Variants in FHIT observed in about 807,000 individuals in gnomAD.
FHIT encodes the protein fragile histidine triad diadenosine triphosphatase.
In FHIT, 19 loss-of-function variants were observed where a neutral mutation model predicts 17.9. The observed-to-expected ratio is 1.06, with a 90% CI of 0.74 to 1.56. The LOEUF is 1.56. Ranked by LOEUF, FHIT falls within the 40% of genes most tolerant of loss-of-function variation. The pLI is 0.00. For synonymous variants in FHIT, 81 were observed against 69.7 expected (o/e 1.16, Z -0.81); for missense variants, 248 against 189.2 (o/e 1.31, Z -1.82).
chr3:60,968,703 C>T (rs1339825588), intron 3 of FHIT, among the ~76,000 whole-genome samples: 1 of 152,106 alleles, frequency 6.6e-6, no homozygotes, highest in Non-Finnish European at 1.5e-5. Context: ...CCCTGCCCGG[C>T]CCCTGCTGTA....
intron 4 of FHIT, among the ~76,000 whole-genome samples, chr3:60,657,934 G>GT (rs2040155788): frequency 6.6e-6 from 1 of 151,898 alleles, no homozygotes; most frequent in African/African-American, 2.4e-5. Flanking sequence ...TTTTTTTGTG[G>GT]TAAAACATAC....
intron 4 of FHIT, among the ~76,000 whole-genome samples, chr3:60,651,064 A>T (rs1553688159): frequency 1.3e-5 from 2 of 152,154 alleles, no homozygotes; most frequent in South Asian, 2.1e-4. Context: ...TATAAACATT[A>T]TTTAATGTAT....
At chr3:61,193,674 A>G (rs1349776978) in intron 2 of FHIT, among the ~76,000 whole-genome samples, 1 of 152,168 alleles carries the variant, frequency 6.6e-6, no homozygotes, top group Admixed American at 6.5e-5. Context: ...ATTTTTCAGA[A>G]TGAAATCTTT....
chr3:60,776,938 T>A (rs1575511076), intron 4 of FHIT, among the ~76,000 whole-genome samples: 1 of 152,206 alleles, frequency 6.6e-6, no homozygotes, highest in Admixed American at 6.5e-5. Flanking sequence ...GTGAACATAC[T>A]GACTACATTC....
intron 3 of FHIT, among the ~76,000 whole-genome samples, chr3:61,021,374 C>A (rs190408154): frequency 1.3e-5 from 2 of 150,688 alleles, no homozygotes; most frequent in Admixed American, 1.3e-4. Context: ...CCGAGGCGGG[C>A]GGATCACGAG....
intron 7 of FHIT, among the ~76,000 whole-genome samples, chr3:59,948,491 T>C (rs1443426552): frequency 6.6e-6 from 1 of 151,702 alleles, no homozygotes; most frequent in African/African-American, 2.4e-5. Context: ...CACTCCAGCC[T>C]GGGCAACAGA....
intron 5 of FHIT, among the ~76,000 whole-genome samples, chr3:60,461,052 A>G (rs1408715336): frequency 6.6e-6 from 1 of 151,240 alleles, no homozygotes; most frequent in Non-Finnish European, 1.5e-5. Context: ...CTTTAAGAAA[A>G]CTCCCTTAAC....
intron 5 of FHIT, among the ~76,000 whole-genome samples, chr3:60,403,480 T>C (rs575917040): frequency 1.3e-5 from 2 of 152,232 alleles, no homozygotes; most frequent in African/African-American, 4.8e-5. Flanking sequence ...AGCCCTCCTC[T>C]CTCTAGCCTC....
At chr3:60,800,659 C>A (rs1553731931) in intron 4 of FHIT, among the ~76,000 whole-genome samples, 2 of 152,166 alleles carry the variant, frequency 1.3e-5, no homozygotes, top group Non-Finnish European at 2.9e-5. Context: ...ATAGTGCCCT[C>A]AGGAGAAACC....
rs1253711639 is a variant in FHIT at position 60,513,347 on chromosome 3, G to T, written c.103+23513C>A. On this transcript the variant is annotated intron_variant, in intron 5 of 9. Transcript: ENST00000492590. ...CACAGACCACCCATGGAATTTCCCAGGTATTTTTCTTCAGCCTCAATTTCT... is the reference window on the plus strand; with the variant it reads ...CACAGACCACCCATGGAATTTCCCATGTATTTTTCTTCAGCCTCAATTTCT... Among the ~76,000 whole-genome samples, 4 of 152,076 alleles carry T rather than the reference G, an allele frequency of 2.6e-5. No individual in the cohort carries two copies. In the East Asian group the frequency reaches 7.7e-4, roughly 29 times the overall value.
chr3:60,131,058 C>CACATAT (rs1699568830), intron 5 of FHIT, among the ~76,000 whole-genome samples: 8 of 34,368 alleles, frequency 2.3e-4, no homozygotes, highest in South Asian at 1.9e-3. Context: ...TATATACATA[C>CACATAT]ATACACATGT....
chr3:60,571,797 CA>C (rs778250036), intron 4 of FHIT, among the ~76,000 whole-genome samples: 4 of 151,972 alleles, frequency 2.6e-5, no homozygotes, highest in Non-Finnish European at 4.4e-5. Context: ...AGAACAGATC[CA>C]AAAGCAAGGT....
At chr3:60,583,825 A>G (rs1469267399) in intron 4 of FHIT, among the ~76,000 whole-genome samples, 1 of 151,936 alleles carries the variant, frequency 6.6e-6, no homozygotes, top group Admixed American at 6.6e-5. Context: ...AGATACCATC[A>G]GCTAGTATTT....
intron 5 of FHIT, among the ~76,000 whole-genome samples, chr3:60,308,907 T>C (rs116244034): frequency 0.012 from 1,855 of 152,276 alleles, 38 homozygotes; most frequent in African/African-American, 0.041. Context: ...TCTGAAATTA[T>C]ATACTGTTAT....
At chr3:60,137,346 A>G (rs1699858162) in intron 5 of FHIT, among the ~76,000 whole-genome samples, 2 of 152,202 alleles carry the variant, frequency 1.3e-5, no homozygotes, top group South Asian at 4.1e-4. Flanking sequence ...CCAGGAACAC[A>G]CAATGCATTT....
At chr3:60,647,062 C>CT in intron 4 of FHIT, among the ~76,000 whole-genome samples, 1 of 152,304 alleles carries the variant, frequency 6.6e-6, no homozygotes, top group East Asian at 1.9e-4. Flanking sequence ...TAACAGCTTC[C>CT]TCTACTACTT....
At chr3:59,994,107 G>A (rs1353410593) in intron 7 of FHIT, among the ~76,000 whole-genome samples, 1 of 152,022 alleles carries the variant, frequency 6.6e-6, no homozygotes, top group Admixed American at 6.6e-5. Flanking sequence ...GGATCACAGA[G>A]CTAGGAAGAA....
intron 8 of FHIT, among the ~76,000 whole-genome samples, chr3:59,839,483 A>G (rs979224711): frequency 6.6e-6 from 1 of 152,076 alleles, no homozygotes; most frequent in African/African-American, 2.4e-5. Flanking sequence ...TTAAGTATGT[A>G]TTTTCCCTAG....
At chr3:60,334,987 A>G (rs1320658522) in intron 5 of FHIT, among the ~76,000 whole-genome samples, 2 of 152,212 alleles carry the variant, frequency 1.3e-5, no homozygotes, top group East Asian at 1.9e-4. Flanking sequence ...AATGTACCCA[A>G]CAAAACTTCC....
Sources: gnomAD v4.1 joint callset for allele counts (sites outside exome capture counted in the v4.1 genomes callset) on GRCh38, gnomAD v4.1.1 for gene constraint, MANE v1.5 for transcripts, NCBI Gene and HGNC (gene_info 2026-07-23, HGNC 2026-07-21) for gene names.